ZC3H3: variants seen among roughly 807,000 people sequenced by gnomAD.
ZC3H3 encodes zinc finger CCCH domain-containing protein 3.
A neutral mutation model predicts 77.3 loss-of-function variants in ZC3H3; 36 were observed. The observed-to-expected ratio is 0.47, with a 90% confidence interval of 0.36 to 0.61. The LOEUF (loss-of-function observed/expected upper bound fraction) is 0.61. Ranked by LOEUF, ZC3H3 falls within the 20% of genes least tolerant of loss-of-function variation. The probability of loss-of-function intolerance (pLI) is 0.00; values close to 1 mark genes in which losing one functional copy is unlikely to be tolerated. For synonymous variants in ZC3H3, 626 were observed against 555.2 expected (o/e 1.13, Z -1.79); for missense variants, 1,331 against 1,312.2 (o/e 1.01, Z -0.22).
intron 9 of ZC3H3, among the ~76,000 whole-genome samples, chr8:143,463,114 G>C (rs1820309788): frequency 6.6e-6 from 1 of 152,104 alleles, no homozygotes; most frequent in Admixed American, 6.6e-5. Flanking sequence ...CTCCCGAGTA[G>C]CTGGGATTAC....
At chr8:143,539,356 G>A (rs1822933506) in intron 1 of ZC3H3, 36 bp from the exon 2 acceptor site, 1 of 1,547,810 alleles carries the variant, frequency 6.5e-7, no homozygotes, top group Non-Finnish European at 8.7e-7. Flanking sequence ...GTTAGCCAGA[G>A]GGTAACCGCG....
chr8:143,473,534 G>C (rs1026280651), intron 5 of ZC3H3, among the ~76,000 whole-genome samples: 2 of 152,140 alleles, frequency 1.3e-5, no homozygotes, highest in Non-Finnish European at 2.9e-5. Context: ...CCCTTCCCTG[G>C]GCAGAGGGAT....
chr8:143,538,896 T>C lies in ZC3H3; in HGVS notation c.471A>G (p.Gln157=), dbSNP rs1218299150. The C allele has an allele frequency of 6.2e-7, 1 of 1,612,730 alleles. No homozygotes were observed. Among genetic ancestry groups the C allele is most frequent in the Non-Finnish European group, 8.5e-7 (1 of 1,179,956 alleles). The change falls in exon 2 of 12, where the codon CAA becomes CAG. Residue 157 remains glutamine, a synonymous_variant. Coordinates refer to ENST00000262577, the MANE Select transcript of ZC3H3 (RefSeq NM_015117.3). ...EEFEETPWSD[Q]RPREGEGEPP... is the part of the protein sequence containing the mutation. ...GCTCACCTTCACCTTCCCGGGGCCTTTGGTCACTCCAGGGGGTTTCCTCAA... is the reference window on the plus strand; with the variant it reads ...GCTCACCTTCACCTTCCCGGGGCCTCTGGTCACTCCAGGGGGTTTCCTCAA...
At chr8:143,507,644 G>T in intron 4 of ZC3H3, 102 bp downstream of exon 4, 1 of 1,332,534 alleles carries the variant, frequency 7.5e-7, no homozygotes, top group Non-Finnish European at 9.7e-7. Flanking sequence ...TCTGGGATGT[G>T]CTCAGCTCCC....
At chr8:143,504,281 C>A (rs1050406502) in intron 4 of ZC3H3, among the ~76,000 whole-genome samples, 1 of 152,064 alleles carries the variant, frequency 6.6e-6, no homozygotes, top group African/African-American at 2.4e-5. Context: ...CTCCTCAGGG[C>A]GGTGCAGTCC....
In ZC3H3 at chr8:143,538,535, A is replaced by G; in HGVS notation, c.832T>C (p.Ser278Pro). 6 of 1,612,014 alleles carry G rather than the reference A, an allele frequency of 3.7e-6. No individual in the cohort carries two copies. The South Asian group carries it at 5.5e-5, about 15-fold the overall frequency. Residue 278 changes from serine (S) to proline (P), a missense_variant, in exon 2 of 12, where the codon TCA (serine) becomes CCA (proline). This residue lies in a region of ZC3H3 where 978 missense variants were observed against 915.5 expected (regional missense o/e 1.07). Coordinates refer to ENST00000262577, the MANE Select transcript of ZC3H3 (RefSeq NM_015117.3). ...GCCGGTCTGGCGGGGCCCCCCACTGAGCCAGACGGAACTGGCTGATCTGTG... is the reference window on the plus strand; with the variant it reads ...GCCGGTCTGGCGGGGCCCCCCACTGGGCCAGACGGAACTGGCTGATCTGTG... ...GHTDQPVPSG[S>P]VGGPARPASG... is the part of the protein sequence containing the mutation.
At chr8:143,502,728 C>T (rs1821562766) in intron 4 of ZC3H3, among the ~76,000 whole-genome samples, 1 of 152,228 alleles carries the variant, frequency 6.6e-6, no homozygotes, top group Non-Finnish European at 1.5e-5. Flanking sequence ...AATGAACTTG[C>T]TGGAGCTGGT....
chr8:143,453,271 A>G (rs1820033695), intron 9 of ZC3H3, among the ~76,000 whole-genome samples: 1 of 150,706 alleles, frequency 6.6e-6, no homozygotes, highest in African/African-American at 2.4e-5. Context: ...TTTTTTTTTA[A>G]AGAGATGGGG....
At chr8:143,522,479 T>G (rs550494211) in intron 3 of ZC3H3, among the ~76,000 whole-genome samples, 149 of 152,244 alleles carry the variant, frequency 9.8e-4, no homozygotes, top group African/African-American at 3.5e-3. Context: ...GGCGTGAGCC[T>G]GTAATCCCAG....
chr8:143,478,699 G>A (rs1013874931), intron 4 of ZC3H3, among the ~76,000 whole-genome samples: 1 of 152,172 alleles, frequency 6.6e-6, no homozygotes, highest in Non-Finnish European at 1.5e-5. Flanking sequence ...TGGTAGAGAT[G>A]GTGTTTCACC....
chr8:143,490,454 C>T (rs1457922961), intron 4 of ZC3H3, among the ~76,000 whole-genome samples: 1 of 152,194 alleles, frequency 6.6e-6, no homozygotes, highest in Non-Finnish European at 1.5e-5. Context: ...CCACCCGGGC[C>T]CAGCCCAGAG....
chr8:143,537,871 C>T, intron 2 of ZC3H3, 132 bp downstream of exon 2: 1 of 1,031,744 alleles, frequency 9.7e-7, no homozygotes, highest in Non-Finnish European at 1.4e-6. Context: ...GCAGCACTTC[C>T]TGCCTCATTT....
intron 2 of ZC3H3, among the ~76,000 whole-genome samples, chr8:143,536,866 G>A (rs1822817287): frequency 1.3e-5 from 2 of 152,178 alleles, no homozygotes; most frequent in African/African-American, 2.4e-5. Context: ...CCTCAGTAAG[G>A]GGGCAGCTTC....
At chr8:143,484,667 C>A in intron 4 of ZC3H3, 1 of 190,622 alleles carries the variant, frequency 5.2e-6, no homozygotes, top group Non-Finnish European at 1.1e-5. Context: ...TTGGCGGGCC[C>A]GCGACCCTCT....
At chr8:143,440,841 AGTTG>A in intron 10 of ZC3H3, 91 bp downstream of exon 10, 1 of 1,258,156 alleles carries the variant, frequency 7.9e-7, no homozygotes, top group East Asian at 3.1e-5. Context: ...AAAGAGCTGG[AGTTG>A]GCGGGAGCTC....
At position 143,462,044 on chromosome 8, in the gene ZC3H3, C is replaced by T. The variant is rs1398914830; in HGVS notation, c.2307+3673G>A. ...GATCACCGTTGAGGGAAAGCACCCA[C>T]GACATGAAGAAAAACTAAGTGAGGC... On this transcript the variant is annotated intron_variant, in intron 9 of 11. Coordinates refer to ENST00000262577, the MANE Select transcript of ZC3H3 (RefSeq NM_015117.3). This position sits in a 1 kb window ranked among gnomAD's most constrained non-coding sequence, Gnocchi z 4.7. Among the ~76,000 whole-genome samples the T allele has an allele frequency of 3.3e-5, 5 of 151,882 alleles. No individual in the cohort carries two copies. The highest frequency in any genetic ancestry group is 2.1e-4 in the South Asian group (1 of 4,800).
At position 143,440,274 on chromosome 8, in the gene ZC3H3, G is replaced by A. The variant is rs373816160; in HGVS notation, c.2582C>T (p.Pro861Leu). The A allele has an allele frequency of 1.3e-6, 2 of 1,581,796 alleles. No homozygotes were observed. Among genetic ancestry groups the A allele is most frequent in the African/African-American group, 2.7e-5 (2 of 74,580 alleles). The change falls in exon 11 of 12, where the codon CCA becomes CTA. Residue 861 changes from proline (P) to leucine (L), a missense_variant. Coordinates refer to ENST00000262577, the MANE Select transcript of ZC3H3 (RefSeq NM_015117.3). ...AAAVAAPPHC[P>L]GGSASPSSSK... is the part of the protein sequence containing the mutation. ...GGATGAGGGAGAGGCTGACCCCCCTGGGCAGTGGGGAGGTGCAGCCACGGC... is the reference window on the plus strand; with the variant it reads ...GGATGAGGGAGAGGCTGACCCCCCTAGGCAGTGGGGAGGTGCAGCCACGGC...
At chr8:143,464,427 C>T (rs539534593) in intron 9 of ZC3H3, among the ~76,000 whole-genome samples, 2 of 152,328 alleles carry the variant, frequency 1.3e-5, no homozygotes, top group South Asian at 2.1e-4. Flanking sequence ...CCTGGCCAAC[C>T]CTTGGCCCGG....
At chr8:143,516,514 A>G (rs1286924210) in intron 3 of ZC3H3, among the ~76,000 whole-genome samples, 1 of 148,828 alleles carries the variant, frequency 6.7e-6, no homozygotes, top group East Asian at 2.0e-4. Flanking sequence ...GCGCGAAAGG[A>G]AACTTTGCAA....
Sources: allele counts gnomAD v4.1 joint callset (sites outside exome capture counted in the v4.1 genomes callset), GRCh38; gene constraint gnomAD v4.1.1; regional missense constraint gnomAD v4.1.1; non-coding constraint Gnocchi (gnomAD v3.1); transcripts MANE v1.5; gene names NCBI Gene and HGNC (gene_info 2026-07-23, HGNC 2026-07-21).